Variants in FYN observed in about 807,000 individuals in gnomAD.
FYN encodes tyrosine-protein kinase Fyn.
A neutral mutation model predicts 70.2 loss-of-function variants in FYN; 10 were observed. The ratio of observed to expected loss-of-function variants is 0.14; its 90% CI spans 0.09 to 0.24. The LOEUF is 0.24. Among genes scored for constraint, FYN ranks in the 10% least tolerant of loss-of-function variants. The pLI is 1.00. For missense variants in FYN, 319 were observed against 673.1 expected (o/e 0.47, Z 5.82); for synonymous variants, 236 against 248.6 (o/e 0.95, Z 0.48).
At chr6:111,830,789 G>A (rs1772991980) in intron 2 of FYN, among the ~76,000 whole-genome samples, 1 of 152,124 alleles carries the variant, frequency 6.6e-6, no homozygotes. Flanking sequence ...GGATGAGCTG[G>A]AAATCAATGG....
At chr6:111,714,552 C>T in intron 4 of FYN, 109 bp from the exon 5 acceptor site, 1 of 772,926 alleles carries the variant, frequency 1.3e-6, no homozygotes, top group Admixed American at 2.1e-5. Flanking sequence ...ATCTAGCCAG[C>T]ACTAATAACA....
chr6:111,681,904 G>T (rs1217575409), intron 12 of FYN, among the ~76,000 whole-genome samples: 1 of 151,784 alleles, frequency 6.6e-6, no homozygotes, highest in Non-Finnish European at 1.5e-5. Context: ...ACTGGGATTT[G>T]AACCGAAGGT....
chr6:111,826,190 G>A (rs994524759), intron 2 of FYN, among the ~76,000 whole-genome samples: 12 of 152,154 alleles, frequency 7.9e-5, no homozygotes, highest in African/African-American at 2.7e-4. Flanking sequence ...CTAGCATTTC[G>A]GTGTTTCAGT....
chr6:111,673,622 GT>G (rs71021858), intron 13 of FYN, among the ~76,000 whole-genome samples: 28,214 of 116,380 alleles, frequency 0.24, 4,005 homozygotes, highest in African/African-American at 0.47. Flanking sequence ...TTCTATCATT[GT>G]TTTTTTTTTT....
At chr6:111,795,826 G>A (rs778462232) in intron 2 of FYN, among the ~76,000 whole-genome samples, 2 of 152,220 alleles carry the variant, frequency 1.3e-5, no homozygotes, top group African/African-American at 2.4e-5. Context: ...TGAGGTGGCA[G>A]AGCCAGATCT....
At chr6:111,723,225 TATCTATA>T (rs558752855) in intron 3 of FYN, among the ~76,000 whole-genome samples, 12 of 152,300 alleles carry the variant, frequency 7.9e-5, no homozygotes, top group African/African-American at 2.9e-4. Context: ...ACTAGCAGCT[TATCTATA>T]ATTTTATGAA....
At chr6:111,688,008 A>G (rs1799099294) in intron 12 of FYN, among the ~76,000 whole-genome samples, 1 of 152,152 alleles carries the variant, frequency 6.6e-6, no homozygotes, top group Non-Finnish European at 1.5e-5. Flanking sequence ...AGAAGAAAAG[A>G]GGTCAAGCTA....
chr6:111,856,141 CTGAA>C (rs1433787038), intron 1 of FYN, among the ~76,000 whole-genome samples: 4 of 151,992 alleles, frequency 2.6e-5, no homozygotes, highest in African/African-American at 4.8e-5. Context: ...TTGAAGAATT[CTGAA>C]TGAGAGAAAA....
chr6:111,829,419 T>C (rs1425460628), intron 2 of FYN, among the ~76,000 whole-genome samples: 1 of 152,202 alleles, frequency 6.6e-6, no homozygotes, highest in Non-Finnish European at 1.5e-5. Flanking sequence ...CCAAGGGCTA[T>C]TCAAAACGTA....
chr6:111,793,229 C>T (rs979201082), intron 2 of FYN, among the ~76,000 whole-genome samples: 3 of 152,048 alleles, frequency 2.0e-5, no homozygotes, highest in Non-Finnish European at 2.9e-5. Flanking sequence ...GAATGTCAGG[C>T]CAAAGCTATT....
At chr6:111,801,727 G>A (rs1771992122) in intron 2 of FYN, among the ~76,000 whole-genome samples, 1 of 152,310 alleles carries the variant, frequency 6.6e-6, no homozygotes, top group African/African-American at 2.4e-5. Context: ...GTTGTGCACT[G>A]TTTTTGTCTT....
chr6:111,870,938 T>G (rs554241975), intron 1 of FYN, among the ~76,000 whole-genome samples: 2 of 152,348 alleles, frequency 1.3e-5, no homozygotes, highest in East Asian at 3.9e-4. Flanking sequence ...TACAGTACAC[T>G]CATTAACCCT....
In FYN at chr6:111,694,271, A is replaced by C; in HGVS notation, c.1273+104T>G. The C allele has an allele frequency of 1.4e-6, 2 of 1,417,428 alleles. No homozygotes were observed. Among genetic ancestry groups the C allele is most frequent in the South Asian group, 1.3e-5 (1 of 77,840 alleles). The allele number at this position is 1,417,428 out of a possible 1,614,324, so 87.8% of individuals were successfully genotyped here. On this transcript the variant is annotated intron_variant, in intron 12 of 13. Transcript: ENST00000354650. This position sits in a 1 kb window ranked among gnomAD's most constrained non-coding sequence, Gnocchi z 5.0. ...AAACCAAGCTGAAGAATGACATTTCAAGTATTTTCTGAAGGAAGGGAAGGG... is the reference window on the plus strand; with the variant it reads ...AAACCAAGCTGAAGAATGACATTTCCAGTATTTTCTGAAGGAAGGGAAGGG...
At chr6:111,782,096 G>A in intron 2 of FYN, among the ~76,000 whole-genome samples, 1 of 152,136 alleles carries the variant, frequency 6.6e-6, no homozygotes. Context: ...CCAGCTTTCA[G>A]GCCTAGCTTC....
rs757105430 is a variant in FYN, at chr6:111,689,534, C to A, written c.1273+4841G>T. ...TATAATGGCCCCAATTTGGAAATAA[C>A]CCCAAATGTTCAGGAACAGTAGAAT... is the stretch of plus-strand genomic sequence containing the variant. On this transcript the variant is annotated intron_variant, in intron 12 of 13. Coordinates refer to ENST00000354650, the MANE Select transcript of FYN (RefSeq NM_002037.5). Among the ~76,000 whole-genome samples the A allele has an allele frequency of 1.6e-4, 24 of 152,142 alleles. 1 individual carries two copies. Among genetic ancestry groups the A allele is most frequent in the Non-Finnish European group, 1.8e-4 (12 of 68,032 alleles).
chr6:111,703,631 C>T lies in FYN; in HGVS notation c.547+368G>A, dbSNP rs559734815. Among the ~76,000 whole-genome samples, 7 of 152,182 alleles carry T rather than the reference C, an allele frequency of 4.6e-5. No individual in the cohort carries two copies. In the South Asian group the frequency reaches 1.2e-3, roughly 27 times the overall value. ...CAGTTGGAGGAAGAGAAGTGAAGTC[C>T]TCAGTTATTTAAAAAACAAAAGGAA... On this transcript the variant is annotated intron_variant, in intron 7 of 13. Coordinates refer to ENST00000354650, the MANE Select transcript of FYN (RefSeq NM_002037.5).
chr6:111,769,489 G>T (rs1041163175), intron 3 of FYN, among the ~76,000 whole-genome samples: 11 of 152,150 alleles, frequency 7.2e-5, no homozygotes, highest in African/African-American at 2.4e-4. Context: ...AGTGGAAATG[G>T]AATCTAACCT....
intron 3 of FYN, among the ~76,000 whole-genome samples, chr6:111,745,377 T>C (rs1176051021): frequency 6.6e-6 from 1 of 152,090 alleles, no homozygotes; most frequent in Non-Finnish European, 1.5e-5. Flanking sequence ...CTGCAAAAGC[T>C]GGGATGGGTT....
intron 8 of FYN, among the ~76,000 whole-genome samples, chr6:111,701,362 C>T (rs560152500): frequency 6.2e-4 from 94 of 152,258 alleles, no homozygotes; most frequent in Non-Finnish European, 1.0e-3. Flanking sequence ...TCCTGGCAGC[C>T]CCCGGACCCA....
Sources: gnomAD v4.1 joint callset for allele counts (sites outside exome capture counted in the v4.1 genomes callset) on GRCh38, gnomAD v4.1.1 for gene constraint, Gnocchi (gnomAD v3.1) non-coding constraint, MANE v1.5 for transcripts, NCBI Gene and HGNC (gene_info 2026-07-23, HGNC 2026-07-21) for gene names.